The following NETO1 variants were observed in gnomAD, a reference collection of about 807,000 sequenced individuals.
The protein encoded by NETO1 is neuropilin and tolloid like 1.
A neutral mutation model predicts 61.3 loss-of-function variants in NETO1; 26 were observed. That is an observed-to-expected ratio of 0.42 (90% CI 0.31 to 0.59). NETO1 has a LOEUF of 0.59. Ranked by LOEUF, NETO1 falls within the 20% of genes least tolerant of loss-of-function variation. The probability of loss-of-function intolerance (pLI) is 0.12; values close to 1 mark genes in which losing one functional copy is unlikely to be tolerated. For missense variants in NETO1, 531 were observed against 662.8 expected, an observed-to-expected ratio of 0.80 and a Z score of 2.18; for synonymous variants, 225 against 225.8, an observed-to-expected ratio of 1.00 and a Z score of 0.03.
At chr18:72,752,576 CA>C (rs1487471241) in intron 8 of NETO1, among the ~76,000 whole-genome samples, 1 of 151,784 alleles carries the variant, frequency 6.6e-6, no homozygotes, top group Non-Finnish European at 1.5e-5. Context: ...ACTAATCTAA[CA>C]TGTGATTTTC....
At chr18:72,774,012 A>G (rs1417931571) in intron 7 of NETO1, among the ~76,000 whole-genome samples, 1 of 152,096 alleles carries the variant, frequency 6.6e-6, no homozygotes, top group Non-Finnish European at 1.5e-5. Context: ...TTAACATAAA[A>G]CTAAATGCAT....
chr18:72,851,057 G>A lies in NETO1; in HGVS notation c.469+7769C>T, dbSNP rs73966691. ...TAGAGGGATGGAGTGGGAGGTGAGC[G>A]AAAGGAACCGGCATCACAGGAAAAA... is the stretch of plus-strand genomic sequence containing the variant. On this transcript the variant is annotated intron_variant, in intron 4 of 10. Coordinates refer to ENST00000327305, the MANE Select transcript of NETO1 (RefSeq NM_138966.5). Among the ~76,000 whole-genome samples the A allele has an allele frequency of 3.9e-3, 596 of 152,244 alleles. 4 individuals are homozygous for A. Among genetic ancestry groups the A allele is most frequent in the African/African-American group, 0.011 (461 of 41,550 alleles).
At chr18:72,772,543 A>G (rs67993318) in intron 7 of NETO1, among the ~76,000 whole-genome samples, 48,516 of 151,100 alleles carry the variant, frequency 0.32, 8,341 homozygotes, top group South Asian at 0.47. Context: ...AGAGGCATAG[A>G]ATTCTAGTCC....
chr18:72,851,634 C>G (rs1208785148), intron 4 of NETO1, among the ~76,000 whole-genome samples: 5 of 152,082 alleles, frequency 3.3e-5, no homozygotes, highest in Admixed American at 2.6e-4. Context: ...CACAATTTTA[C>G]AATTGAGGTA....
intron 6 of NETO1, among the ~76,000 whole-genome samples, chr18:72,786,442 T>C (rs1388583347): frequency 6.6e-6 from 1 of 152,190 alleles, no homozygotes; most frequent in African/African-American, 2.4e-5. Context: ...TGAGTTGTAG[T>C]ATGCTTTGCA....
intron 4 of NETO1, among the ~76,000 whole-genome samples, chr18:72,831,732 T>C (rs2073585497): frequency 6.6e-6 from 1 of 152,254 alleles, no homozygotes; most frequent in Admixed American, 6.5e-5. Flanking sequence ...CACATACATC[T>C]TGTATAACTT....
intron 6 of NETO1, among the ~76,000 whole-genome samples, chr18:72,792,799 T>C (rs559082283): frequency 6.6e-6 from 1 of 152,046 alleles, no homozygotes; most frequent in Non-Finnish European, 1.5e-5. Flanking sequence ...CACGCTTTCA[T>C]GTGGTCACGT....
intron 3 of NETO1, among the ~76,000 whole-genome samples, chr18:72,864,361 G>A (rs2145690790): frequency 6.6e-6 from 1 of 152,256 alleles, no homozygotes; most frequent in East Asian, 1.9e-4. Context: ...TTGGTGTTTA[G>A]AAAATGTGAT....
chr18:72,805,068 T>C (rs1599034505), intron 4 of NETO1, among the ~76,000 whole-genome samples: 1 of 152,318 alleles, frequency 6.6e-6, no homozygotes, highest in East Asian at 1.9e-4. Flanking sequence ...GTGGAAAAAC[T>C]AAAGCCATGT....
intron 7 of NETO1, among the ~76,000 whole-genome samples, chr18:72,769,249 T>C (rs1009132047): frequency 1.3e-5 from 2 of 152,184 alleles, no homozygotes; most frequent in Non-Finnish European, 2.9e-5. Context: ...GAAAGGCCAA[T>C]ACTGTATCTG....
In NETO1 at chr18:72,794,180, G is replaced by T. The variant is rs766970603; in HGVS notation, c.576C>A (p.Gly192=). 1.2e-6 allele frequency: 2 copies of T among 1,614,138 alleles called. No homozygotes were observed. Among genetic ancestry groups the T allele is most frequent in the South Asian group, 1.1e-5 (1 of 91,076 alleles). The change falls in exon 6 of 11, where the codon GGC becomes GGA. Residue 192 remains glycine, a synonymous_variant. Coordinates refer to ENST00000327305, the MANE Select transcript of NETO1 (RefSeq NM_138966.5). ...IVESIQIMKE[G]KATASEAVDC... ...CAACAGCCTCGCTAGCAGTAGCTTTGCCTTCCTTCATAATTTGTATAGACT... is the reference window on the plus strand; with the variant it reads ...CAACAGCCTCGCTAGCAGTAGCTTTTCCTTCCTTCATAATTTGTATAGACT...
At chr18:72,829,462 A>G (rs771063845) in intron 4 of NETO1, among the ~76,000 whole-genome samples, 1 of 152,196 alleles carries the variant, frequency 6.6e-6, no homozygotes, top group Non-Finnish European at 1.5e-5. Context: ...TATCATTATT[A>G]TCATTACTGC....
At chr18:72,791,917 A>C (rs1187023374) in intron 6 of NETO1, among the ~76,000 whole-genome samples, 1 of 152,214 alleles carries the variant, frequency 6.6e-6, no homozygotes, top group African/African-American at 2.4e-5. Context: ...TGACTTAAAA[A>C]AATATAGAAG....
intron 6 of NETO1, among the ~76,000 whole-genome samples, chr18:72,787,280 C>G (rs750752855): frequency 6.6e-6 from 1 of 151,516 alleles, no homozygotes; most frequent in Non-Finnish European, 1.5e-5. Flanking sequence ...AACATTGTCA[C>G]AAGCAGGAGA....
intron 4 of NETO1, among the ~76,000 whole-genome samples, chr18:72,797,646 A>G (rs1236175096): frequency 6.6e-6 from 1 of 152,152 alleles, no homozygotes; most frequent in Non-Finnish European, 1.5e-5. Flanking sequence ...ACTATTACAC[A>G]TGTAAATCGA....
intron 7 of NETO1, among the ~76,000 whole-genome samples, chr18:72,772,622 A>G (rs1032967042): frequency 1.3e-5 from 2 of 151,128 alleles, no homozygotes; most frequent in Non-Finnish European, 3.0e-5. Context: ...ATCAGGGTAA[A>G]CTCAAATTCT....
intron 8 of NETO1, 90 bp from the exon 9 acceptor site, chr18:72,750,710 A>T (rs1599080908): frequency 2.2e-6 from 2 of 896,724 alleles, no homozygotes; most frequent in East Asian, 2.7e-5. Flanking sequence ...GTGTATTAAA[A>T]ACTTAAAGTA....
intron 4 of NETO1, among the ~76,000 whole-genome samples, chr18:72,803,042 T>C (rs2072559606): frequency 6.6e-6 from 1 of 152,214 alleles, no homozygotes; most frequent in African/African-American, 2.4e-5. Flanking sequence ...TTGAAAAGCA[T>C]ATTACAGTTG....
chr18:72,817,726 AT>A (rs2073070863), intron 4 of NETO1, among the ~76,000 whole-genome samples: 1 of 152,232 alleles, frequency 6.6e-6, no homozygotes, highest in Non-Finnish European at 1.5e-5. Flanking sequence ...AAGAAAAGTG[AT>A]TAGATGTCAC....
Sources: allele counts gnomAD v4.1 joint callset (sites outside exome capture counted in the v4.1 genomes callset), GRCh38; gene constraint gnomAD v4.1.1; transcripts MANE v1.5; gene names NCBI Gene and HGNC (gene_info 2026-07-23, HGNC 2026-07-21).